The following HCN1 variants were observed in gnomAD, a reference collection of about 807,000 sequenced individuals.
HCN1 encodes the protein hyperpolarization activated cyclic nucleotide gated potassium channel 1.
In HCN1, 13 loss-of-function variants were observed where a neutral mutation model predicts 78.9. The ratio of observed to expected loss-of-function variants is 0.16; its 90% CI spans 0.11 to 0.26. The LOEUF (loss-of-function observed/expected upper bound fraction) is 0.26, where lower values mean the gene tolerates loss of function less well. Ranked by LOEUF, HCN1 falls within the 10% of genes least tolerant of loss-of-function variation. The pLI is 1.00. For missense variants in HCN1, 810 were observed against 1,154.3 expected (o/e 0.70, Z 4.32); for synonymous variants, 552 against 455.5 (o/e 1.21, Z -2.70).
intron 1 of HCN1, 140 bp from the exon 2 acceptor site, chr5:45,645,748 C>G: frequency 5.4e-6 from 3 of 559,322 alleles, no homozygotes; most frequent in Non-Finnish European, 9.3e-6. Context: ...AAATGTAATT[C>G]CTTAAATGGC....
intron 4 of HCN1, among the ~76,000 whole-genome samples, chr5:45,392,031 T>C (rs911210731): frequency 2.0e-4 from 30 of 152,086 alleles, no homozygotes; most frequent in Admixed American, 1.9e-3. Context: ...TAAGGATCCT[T>C]AAGAGTTGAT....
intron 2 of HCN1, among the ~76,000 whole-genome samples, chr5:45,499,357 GCCCTCTGTCA>G (rs1352408798): frequency 1.3e-5 from 2 of 152,158 alleles, no homozygotes; most frequent in South Asian, 4.1e-4. Flanking sequence ...TTTTCCAGGT[GCCCTCTGTCA>G]CCCCTTTCTT....
At chr5:45,623,629 G>C (rs1329268375) in intron 2 of HCN1, among the ~76,000 whole-genome samples, 1 of 152,154 alleles carries the variant, frequency 6.6e-6, no homozygotes, top group Non-Finnish European at 1.5e-5. Flanking sequence ...TAATTCAAAA[G>C]TGTGATGAGA....
chr5:45,625,611 A>G (rs1489551740), intron 2 of HCN1, among the ~76,000 whole-genome samples: 1 of 152,114 alleles, frequency 6.6e-6, no homozygotes, highest in African/African-American at 2.4e-5. Context: ...CACCTGGGAA[A>G]GAGAAAACTT....
intron 2 of HCN1, among the ~76,000 whole-genome samples, chr5:45,577,855 A>G (rs1171370876): frequency 6.6e-6 from 1 of 152,076 alleles, no homozygotes; most frequent in African/African-American, 2.4e-5. Context: ...AAAATTAAGA[A>G]AATGATATTG....
intron 4 of HCN1, among the ~76,000 whole-genome samples, chr5:45,384,247 A>G (rs192548338): frequency 2.0e-4 from 30 of 152,290 alleles, no homozygotes; most frequent in African/African-American, 6.5e-4. Flanking sequence ...AGTAGATAAA[A>G]GCCTTGTGAT....
At chr5:45,350,973 G>A (rs1052219084) in intron 5 of HCN1, among the ~76,000 whole-genome samples, 6 of 152,094 alleles carry the variant, frequency 3.9e-5, no homozygotes, top group Non-Finnish European at 5.9e-5. Flanking sequence ...TAGATTCAAT[G>A]CCATCCCCAT....
chr5:45,411,894 C>A (rs1359146105), intron 3 of HCN1, among the ~76,000 whole-genome samples: 4 of 151,978 alleles, frequency 2.6e-5, no homozygotes, highest in African/African-American at 4.8e-5. Flanking sequence ...GGGAGCACAC[C>A]ACTTAGTGCA....
At chr5:45,423,974 A>T (rs955727891) in intron 3 of HCN1, among the ~76,000 whole-genome samples, 3 of 152,084 alleles carry the variant, frequency 2.0e-5, no homozygotes, top group African/African-American at 7.2e-5. Flanking sequence ...TTGCCTTTAA[A>T]AGAATAAAAA....
chr5:45,542,568 T>TACTA (rs1487902217), intron 2 of HCN1, among the ~76,000 whole-genome samples: 1 of 152,138 alleles, frequency 6.6e-6, no homozygotes, highest in Non-Finnish European at 1.5e-5. Context: ...CTTTGATGAA[T>TACTA]ACTACAGTGG....
chr5:45,445,120 C>T (rs1479728124), intron 3 of HCN1, among the ~76,000 whole-genome samples: 15 of 152,216 alleles, frequency 9.9e-5, no homozygotes. Context: ...TCAGGGAGTT[C>T]CCTTTCCTAG....
chr5:45,646,156 T>C (rs1745546597), intron 1 of HCN1, among the ~76,000 whole-genome samples: 1 of 152,010 alleles, frequency 6.6e-6, no homozygotes, highest in Non-Finnish European at 1.5e-5. Flanking sequence ...TACACTGGAG[T>C]TTTGCAGTAC....
rs1466144770 is a variant in HCN1 at position 45,351,164 on chromosome 5, A to G, written c.1377+1936T>C. 1.8e-4 allele frequency among the ~76,000 whole-genome samples: 28 copies of G among 152,172 alleles called. No individual in the cohort carries two copies. In the South Asian group the frequency reaches 3.3e-3, roughly 18 times the overall value. On this transcript the variant is annotated intron_variant, in intron 5 of 7. Coordinates refer to ENST00000303230, the MANE Select transcript of HCN1 (RefSeq NM_021072.4). ...CAGTAACCAAAACAGCATGGTACTGATACCAAAACAGAGATATAGATCAAT... is the reference window on the plus strand; with the variant it reads ...CAGTAACCAAAACAGCATGGTACTGGTACCAAAACAGAGATATAGATCAAT...
chr5:45,337,624 A>G (rs1163905070), intron 5 of HCN1, among the ~76,000 whole-genome samples: 2 of 152,162 alleles, frequency 1.3e-5, no homozygotes, highest in Non-Finnish European at 2.9e-5. Flanking sequence ...AGAGGAAGTT[A>G]AGAAAGATAG....
intron 2 of HCN1, among the ~76,000 whole-genome samples, chr5:45,602,005 C>A (rs1744635033): frequency 6.6e-6 from 1 of 151,790 alleles, no homozygotes; most frequent in African/African-American, 2.4e-5. Context: ...TGTGTTAGAT[C>A]TCACAAGATC....
chr5:45,265,699 G>T (rs1744842504), intron 7 of HCN1, among the ~76,000 whole-genome samples: 1 of 152,152 alleles, frequency 6.6e-6, no homozygotes, highest in Non-Finnish European at 1.5e-5. Flanking sequence ...GTACCTCCTT[G>T]TTTATCACAA....
At chr5:45,500,327 A>T (rs1249539209) in intron 2 of HCN1, among the ~76,000 whole-genome samples, 1 of 152,216 alleles carries the variant, frequency 6.6e-6, no homozygotes, top group Non-Finnish European at 1.5e-5. Flanking sequence ...GCTTAGGTGG[A>T]AAATTTTTGA....
rs1252301761 is a variant in HCN1 at position 45,258,204 on chromosome 5, C to A, written c.*3717G>T. 6.6e-6 allele frequency: 1 copy of A among 151,882 alleles called. No homozygotes were observed. The highest frequency in any genetic ancestry group is 1.5e-5 in the Non-Finnish European group (1 of 67,936). The allele number at this position is 151,882 out of a possible 1,614,324, so 9.4% of individuals were successfully genotyped here. On this transcript the variant is annotated 3_prime_UTR_variant, in exon 8 of 8. Transcript: ENST00000303230. ...AGGTATGGAGATTTTTTAAATAGTC[C>A]TGAAAGATAATAGAGATTGCTCATA...
At chr5:45,393,225 C>T (rs1739619695) in intron 4 of HCN1, among the ~76,000 whole-genome samples, 1 of 152,106 alleles carries the variant, frequency 6.6e-6, no homozygotes, top group East Asian at 1.9e-4. Flanking sequence ...TTGCAAATCC[C>T]TGAATCTTAA....
Sources: allele counts gnomAD v4.1 joint callset (sites outside exome capture counted in the v4.1 genomes callset), GRCh38; gene constraint gnomAD v4.1.1; transcripts MANE v1.5; gene names NCBI Gene and HGNC (gene_info 2026-07-23, HGNC 2026-07-21).